The following KALRN variants were observed in gnomAD, a reference collection of about 807,000 sequenced individuals.
The protein encoded by KALRN is kalirin RhoGEF kinase, also known as kalirin.
In KALRN, 70 loss-of-function variants were observed where a neutral mutation model predicts 353.7. The ratio of observed to expected loss-of-function variants is 0.20; its 90% confidence interval spans 0.16 to 0.24. The LOEUF (loss-of-function observed/expected upper bound fraction) is 0.24, where lower values mean the gene tolerates loss of function less well. Among genes scored for constraint, KALRN ranks in the 10% least tolerant of loss-of-function variants. The pLI is 1.00. For synonymous variants in KALRN, 1,391 were observed against 1,434.8 expected, an observed-to-expected ratio of 0.97 and a Z score of 0.69; for missense variants, 2,791 against 3,756.7, an observed-to-expected ratio of 0.74 and a Z score of 6.72.
chr3:124,612,191 A>AT (rs2078062705), intron 34 of KALRN, among the ~76,000 whole-genome samples: 1 of 151,662 alleles, frequency 6.6e-6, no homozygotes, highest in African/African-American at 2.4e-5. Flanking sequence ...CATCCAGCTA[A>AT]TTTTTTAATT....
At chr3:124,545,606 G>A (rs916508296) in intron 33 of KALRN, among the ~76,000 whole-genome samples, 1 of 152,190 alleles carries the variant, frequency 6.6e-6, no homozygotes, top group Non-Finnish European at 1.5e-5. Flanking sequence ...AAGAGATGGA[G>A]TCTCTAGGCT....
At chr3:124,169,375 T>A (rs2071377619) in intron 1 of KALRN, among the ~76,000 whole-genome samples, 2 of 152,074 alleles carry the variant, frequency 1.3e-5, no homozygotes, top group Admixed American at 1.3e-4. Flanking sequence ...AGGGAGGATC[T>A]CCCTACAGGG....
intron 34 of KALRN, among the ~76,000 whole-genome samples, chr3:124,626,548 G>A (rs2079980579): frequency 1.3e-5 from 2 of 151,832 alleles, no homozygotes; most frequent in African/African-American, 4.8e-5. Context: ...AGAACATTAG[G>A]GGCTCTTTAT....
At chr3:124,717,682 C>A (rs552783597) in intron 59 of KALRN, among the ~76,000 whole-genome samples, 1 of 150,884 alleles carries the variant, frequency 6.6e-6, no homozygotes, top group Non-Finnish European at 1.5e-5. Context: ...GGCGACAGAG[C>A]GAGACTCCCT....
At chr3:124,344,090 A>G (rs2082033598) in intron 9 of KALRN, among the ~76,000 whole-genome samples, 2 of 152,240 alleles carry the variant, frequency 1.3e-5, no homozygotes, top group African/African-American at 4.8e-5. Flanking sequence ...TTGGTAATTG[A>G]GTATTTTAAA....
At chr3:124,114,929 C>T (rs771377918) in intron 1 of KALRN, among the ~76,000 whole-genome samples, 2 of 152,104 alleles carry the variant, frequency 1.3e-5, no homozygotes, top group Admixed American at 6.5e-5. Context: ...GAATGCCTAC[C>T]CTGTGCAGGC....
intron 1 of KALRN, among the ~76,000 whole-genome samples, chr3:124,184,322 T>C (rs1332977059): frequency 6.6e-6 from 1 of 152,248 alleles, no homozygotes; most frequent in East Asian, 1.9e-4. Flanking sequence ...ATTAATATGG[T>C]TGAAGAGCTT....
At position 124,713,107 on chromosome 3, in the gene KALRN, C is replaced by G. The variant is rs146561755; in HGVS notation, c.8248C>G (p.Pro2750Ala). 3.2e-4 allele frequency: 517 copies of G among 1,613,792 alleles called. 1 individual carries two copies. The highest frequency in any genetic ancestry group is 4.1e-4 in the Non-Finnish European group (485 of 1,179,886). Reference sequence around the variant, plus strand: ...CACTCTCCATGACACCTATGAGTCCCCCACATCCTACATCCTGATCTTGGA... The same window carrying G: ...CACTCTCCATGACACCTATGAGTCCGCCACATCCTACATCCTGATCTTGGA... Reference protein sequence around the residue: ...YITLHDTYESPTSYILILELM... With the variant: ...YITLHDTYESATSYILILELM... Residue 2750 changes from proline (P) to alanine (A), a missense_variant, in exon 58 of 60, where the codon CCC (proline) becomes GCC (alanine). By Grantham distance (27) the Pro-to-Ala change is conservative. Coordinates refer to ENST00000682506, the MANE Select transcript of KALRN (RefSeq NM_001388419.1).
chr3:124,149,774 T>C (rs1171560695), intron 1 of KALRN, among the ~76,000 whole-genome samples: 1 of 152,232 alleles, frequency 6.6e-6, no homozygotes, highest in African/African-American at 2.4e-5. Context: ...TAAGGCATTA[T>C]ACAAATGTAA....
chr3:124,197,746 A>G (rs2075582024), intron 1 of KALRN, among the ~76,000 whole-genome samples: 1 of 152,164 alleles, frequency 6.6e-6, no homozygotes. Context: ...TGCTGTGCAT[A>G]GGGAGGGATT....
intron 6 of KALRN, among the ~76,000 whole-genome samples, chr3:124,312,230 G>A (rs534814131): frequency 2.6e-4 from 40 of 152,126 alleles, no homozygotes; most frequent in African/African-American, 9.4e-4. Flanking sequence ...GGGCGATCTC[G>A]GCTCACTGCA....
chr3:124,214,509 A>G (rs955035645), intron 1 of KALRN, among the ~76,000 whole-genome samples: 7 of 152,164 alleles, frequency 4.6e-5, no homozygotes, highest in African/African-American at 1.7e-4. Context: ...CTCCCTAGTC[A>G]TGGCAAGGAC....
At chr3:124,443,785 A>G (rs2093744231) in intron 19 of KALRN, among the ~76,000 whole-genome samples, 1 of 152,194 alleles carries the variant, frequency 6.6e-6, no homozygotes, top group Non-Finnish European at 1.5e-5. Context: ...AGGGGGGAAA[A>G]TAATCCTGAA....
chr3:124,207,200 G>A (rs910687783), intron 1 of KALRN, among the ~76,000 whole-genome samples: 2 of 152,180 alleles, frequency 1.3e-5, no homozygotes, highest in Non-Finnish European at 2.9e-5. Context: ...ACATTACTGG[G>A]CCATCACTCC....
At chr3:124,191,688 C>A (rs1172946197) in intron 1 of KALRN, among the ~76,000 whole-genome samples, 1 of 152,172 alleles carries the variant, frequency 6.6e-6, no homozygotes, top group African/African-American at 2.4e-5. Context: ...AGTCTCCCTA[C>A]ATGGCTAGCT....
intron 34 of KALRN, among the ~76,000 whole-genome samples, chr3:124,596,182 A>G (rs2076245477): frequency 8.2e-6 from 1 of 121,650 alleles, no homozygotes; most frequent in Non-Finnish European, 1.7e-5. Flanking sequence ...GCTCCATCTT[A>G]AAGAAAAAAA....
intron 1 of KALRN, among the ~76,000 whole-genome samples, chr3:124,129,032 T>C (rs1188335332): frequency 6.6e-6 from 1 of 152,008 alleles, no homozygotes; most frequent in Non-Finnish European, 1.5e-5. Flanking sequence ...AAACTATGAA[T>C]TGTGAAATTG....
At chr3:124,340,364 C>T (rs2081568432) in intron 9 of KALRN, among the ~76,000 whole-genome samples, 1 of 151,234 alleles carries the variant, frequency 6.6e-6, no homozygotes, top group African/African-American at 2.4e-5. Context: ...TCTACTAAAA[C>T]ACAATAAAAC....
chr3:124,516,636 TAAA>T (rs371660048), intron 33 of KALRN, among the ~76,000 whole-genome samples: 388 of 118,794 alleles, frequency 3.3e-3, no homozygotes, highest in African/African-American at 0.012. Flanking sequence ...AGCACATCTA[TAAA>T]AAAAAAAAAA....
Sources: allele counts gnomAD v4.1 joint callset (sites outside exome capture counted in the v4.1 genomes callset), GRCh38; gene constraint gnomAD v4.1.1; transcripts MANE v1.5; gene names NCBI Gene and HGNC (gene_info 2026-07-23, HGNC 2026-07-21).